Variants in DOCK3 observed in about 807,000 individuals in gnomAD.
DOCK3 encodes dedicator of cytokinesis protein 3.
Under a neutral mutation model 265.6 loss-of-function variants are expected in DOCK3, and 60 were observed. The observed-to-expected ratio is 0.23, with a 90% CI of 0.18 to 0.28. The LOEUF (loss-of-function observed/expected upper bound fraction) is 0.28, where lower values mean the gene tolerates loss of function less well. Ranked by LOEUF, DOCK3 falls within the 10% of genes least tolerant of loss-of-function variation. DOCK3 has a pLI of 1.00. For synonymous variants in DOCK3, 881 were observed against 938.0 expected, an observed-to-expected ratio of 0.94 and a Z score of 1.11; for missense variants, 1,981 against 2,594.3, an observed-to-expected ratio of 0.76 and a Z score of 5.14.
intron 5 of DOCK3, among the ~76,000 whole-genome samples, chr3:50,948,944 A>C (rs1201722531): frequency 6.6e-6 from 1 of 152,250 alleles, no homozygotes; most frequent in Admixed American, 6.5e-5. Flanking sequence ...AATAGAGACA[A>C]TTCAGATATG....
intron 37 of DOCK3, among the ~76,000 whole-genome samples, chr3:51,339,504 GC>G (rs1256661106): frequency 6.6e-6 from 1 of 152,206 alleles, no homozygotes; most frequent in Non-Finnish European, 1.5e-5. Flanking sequence ...CCCTGCAACT[GC>G]ATAGCAGCCT....
intron 19 of DOCK3, among the ~76,000 whole-genome samples, chr3:51,235,611 C>A (rs1323698888): frequency 6.6e-6 from 1 of 152,192 alleles, no homozygotes; most frequent in Non-Finnish European, 1.5e-5. Flanking sequence ...CCTATCTACA[C>A]CTTCTACCTC....
intron 40 of DOCK3, among the ~76,000 whole-genome samples, chr3:51,351,271 T>A (rs1187838854): frequency 6.6e-6 from 1 of 152,236 alleles, no homozygotes; most frequent in Non-Finnish European, 1.5e-5. Flanking sequence ...TAAAGTTCAC[T>A]GTCCACAAGC....
Position 51,356,486 on chromosome 3 carries a change from G to T in DOCK3, c.4496G>T (p.Arg1499Met). The change falls in exon 43 of 53, where the codon AGG becomes ATG. Residue 1499 changes from arginine (R) to methionine (M), a missense_variant. Physicochemically the swap from Arg to Met is moderately conservative, Grantham distance 91. Transcript: ENST00000266037. ...TCTCGGTGGTTTGAAGTGGAGAGGA[G>T]GGAACTGGTGAGACATGTCTCAGAT... ...GISRWFEVER[R>M]ELVEVSPLEN... 6.3e-7 allele frequency: 1 copy of T among 1,599,894 alleles called. No homozygotes were observed. The highest frequency in any genetic ancestry group is 1.1e-5 in the South Asian group (1 of 90,410).
At chr3:50,736,970 G>A (rs1426510084) in intron 1 of DOCK3, among the ~76,000 whole-genome samples, 1 of 152,112 alleles carries the variant, frequency 6.6e-6, no homozygotes, top group African/African-American at 2.4e-5. Flanking sequence ...GGGATTACAG[G>A]TGTGAGCCAC....
chr3:51,162,906 TAATA>T (rs1310859594), intron 12 of DOCK3, among the ~76,000 whole-genome samples: 1 of 152,184 alleles, frequency 6.6e-6, no homozygotes, highest in Admixed American at 6.5e-5. Context: ...TTTGAAGGAT[TAATA>T]GAGTTAAAAT....
intron 23 of DOCK3, among the ~76,000 whole-genome samples, chr3:51,268,139 A>G (rs1413001050): frequency 6.6e-6 from 1 of 152,230 alleles, no homozygotes; most frequent in Admixed American, 6.5e-5. Context: ...TTAAAGTATA[A>G]TAAATAATTA....
At chr3:51,113,180 A>AATAT (rs138788415) in intron 9 of DOCK3, among the ~76,000 whole-genome samples, 2 of 150,562 alleles carry the variant, frequency 1.3e-5, no homozygotes, top group Admixed American at 6.6e-5. Flanking sequence ...ATAGAGGATA[A>AATAT]ATATATATAT....
chr3:50,905,794 A>T (rs1209574109), intron 4 of DOCK3, among the ~76,000 whole-genome samples: 1 of 152,004 alleles, frequency 6.6e-6, no homozygotes, highest in Non-Finnish European at 1.5e-5. Context: ...AACTTCCAAC[A>T]CTATGTTGAA....
At chr3:50,986,566 T>G (rs897395385) in intron 5 of DOCK3, among the ~76,000 whole-genome samples, 2 of 152,238 alleles carry the variant, frequency 1.3e-5, no homozygotes, top group African/African-American at 4.8e-5. Context: ...GCTTTGGAAA[T>G]TTCAAAGTAA....
intron 2 of DOCK3, among the ~76,000 whole-genome samples, chr3:50,779,211 C>CT (rs1270474204): frequency 6.6e-6 from 1 of 151,974 alleles, no homozygotes; most frequent in Non-Finnish European, 1.5e-5. Flanking sequence ...TTCATTGTAT[C>CT]TAACTATATT....
At chr3:50,803,711 C>T (rs1458622843) in intron 2 of DOCK3, among the ~76,000 whole-genome samples, 1 of 151,702 alleles carries the variant, frequency 6.6e-6, no homozygotes, top group Non-Finnish European at 1.5e-5. Context: ...TGCCCCCCAC[C>T]TCCCTCCCAG....
chr3:51,098,994 C>A (rs539130099), intron 9 of DOCK3, among the ~76,000 whole-genome samples: 1 of 152,252 alleles, frequency 6.6e-6, no homozygotes, highest in South Asian at 2.1e-4. Context: ...TTTCTGTGCC[C>A]TATGGATGAG....
At chr3:51,341,200 G>T in intron 37 of DOCK3, 37 bp from the exon 38 acceptor site, 1 of 1,532,674 alleles carries the variant, frequency 6.5e-7, no homozygotes. Context: ...TCTGAGCAAG[G>T]GAAGCCCCTG....
intron 5 of DOCK3, among the ~76,000 whole-genome samples, chr3:50,956,799 T>C (rs2076742687): frequency 6.6e-6 from 1 of 152,232 alleles, no homozygotes; most frequent in South Asian, 2.1e-4. Context: ...AAATTCACAG[T>C]ACTTGTTAAC....
At chr3:50,920,385 T>C (rs2050375880) in intron 4 of DOCK3, among the ~76,000 whole-genome samples, 1 of 152,186 alleles carries the variant, frequency 6.6e-6, no homozygotes, top group African/African-American at 2.4e-5. Context: ...TCCTGGACTT[T>C]TTTTGGTTGG....
At chr3:51,004,037 C>G (rs893142883) in intron 5 of DOCK3, among the ~76,000 whole-genome samples, 1 of 152,166 alleles carries the variant, frequency 6.6e-6, no homozygotes, top group African/African-American at 2.4e-5. Flanking sequence ...ACTTCAGATA[C>G]TTAACACTCC....
intron 12 of DOCK3, among the ~76,000 whole-genome samples, chr3:51,205,661 C>A (rs1041144153): frequency 1.1e-4 from 17 of 152,068 alleles, no homozygotes; most frequent in Admixed American, 1.1e-3. Context: ...AGTGATTGTA[C>A]CGCTACACTC....
At chr3:51,097,668 ACTC>A (rs1012233185) in intron 9 of DOCK3, among the ~76,000 whole-genome samples, 28 of 151,862 alleles carry the variant, frequency 1.8e-4, no homozygotes, top group African/African-American at 6.8e-4. Flanking sequence ...TGAAAATAAA[ACTC>A]CTGCAGCTAG....
Sources: gnomAD v4.1 joint callset for allele counts (sites outside exome capture counted in the v4.1 genomes callset) on GRCh38, gnomAD v4.1.1 for gene constraint, MANE v1.5 for transcripts, NCBI Gene and HGNC (gene_info 2026-07-23, HGNC 2026-07-21) for gene names.